Variants in PSD3 observed in about 807,000 individuals in gnomAD.
PSD3 encodes the protein PH and SEC7 domain-containing protein 3.
A neutral mutation model predicts 105.5 loss-of-function variants in PSD3; 49 were observed. The ratio of observed to expected loss-of-function variants is 0.46; its 90% confidence interval spans 0.37 to 0.59. PSD3 has a LOEUF of 0.59. Ranked by LOEUF, PSD3 falls within the 20% of genes least tolerant of loss-of-function variation. PSD3 has a pLI of 0.00. For synonymous variants in PSD3, 557 were observed against 457.8 expected, an observed-to-expected ratio of 1.22 and a Z score of -2.77; for missense variants, 1,561 against 1,263.8, an observed-to-expected ratio of 1.24 and a Z score of -3.57.
intron 1 of PSD3, among the ~76,000 whole-genome samples, chr8:19,045,189 A>G (rs1828274501): frequency 6.6e-6 from 1 of 152,134 alleles, no homozygotes; most frequent in Non-Finnish European, 1.5e-5. Flanking sequence ...CATCAAAAAC[A>G]AAAAAACAAA....
intron 9 of PSD3, among the ~76,000 whole-genome samples, chr8:18,659,533 A>T (rs1394265604): frequency 6.6e-6 from 1 of 152,252 alleles, no homozygotes; most frequent in Non-Finnish European, 1.5e-5. Context: ...TCATGTTTAC[A>T]TCAACTAAGT....
chr8:18,605,307 A>G (rs1804739275), intron 11 of PSD3, among the ~76,000 whole-genome samples: 1 of 151,028 alleles, frequency 6.6e-6, no homozygotes, highest in South Asian at 2.1e-4. Context: ...GCCAAATAAC[A>G]ATTTTTTGGA....
Position 19,048,416 on chromosome 8 carries a change from G to C in PSD3, c.324+35790C>G, listed in dbSNP as rs554492732. Reference sequence around the variant, plus strand: ...GAAATGGTTTACAGCCTTGAGCATGGTAAATGGTAAAAACCATTAAGCTTG... The same window carrying C: ...GAAATGGTTTACAGCCTTGAGCATGCTAAATGGTAAAAACCATTAAGCTTG... On this transcript the variant is annotated intron_variant, in intron 1 of 1. Coordinates refer to the PSD3 transcript ENST00000521475. Among the ~76,000 whole-genome samples, 147 of 152,304 alleles carry C rather than the reference G, an allele frequency of 9.7e-4. 1 individual carries two copies. The highest frequency in any genetic ancestry group is 3.3e-3 in the African/African-American group (137 of 41,572).
intron 4 of PSD3, among the ~76,000 whole-genome samples, chr8:18,836,337 C>T (rs1008458225): frequency 5.3e-5 from 8 of 152,176 alleles, no homozygotes; most frequent in African/African-American, 1.4e-4. Flanking sequence ...AACATACTTT[C>T]GGAATCAGTT....
intron 9 of PSD3, among the ~76,000 whole-genome samples, chr8:18,702,031 C>T (rs7016403): frequency 2.3e-4 from 35 of 152,176 alleles, no homozygotes; most frequent in African/African-American, 6.3e-4. Flanking sequence ...AGAGTGCATT[C>T]GTTTCAGCAT....
At chr8:18,961,808 CG>C (rs1207814089) in intron 1 of PSD3, among the ~76,000 whole-genome samples, 7 of 151,862 alleles carry the variant, frequency 4.6e-5, no homozygotes, top group African/African-American at 1.7e-4. Flanking sequence ...TCAGATATAC[CG>C]CCTAACAAAA....
chr8:18,532,456 G>A lies in PSD3; in HGVS notation c.*3287C>T, dbSNP rs1799672372. 2 of 152,174 alleles carry A rather than the reference G, an allele frequency of 1.3e-5. No individual in the cohort carries two copies. The highest frequency in any genetic ancestry group is 4.8e-5 in the African/African-American group (2 of 41,452). 9.4% of individuals were successfully genotyped at this position (152,174 alleles called of 1,614,324 possible). The stretch of plus-strand genomic sequence containing the variant: ...CAGTTGGAGACGCATAGAGGGTCTT[G>A]TGTTTGCCACAAGACCACTGCACCA... On this transcript the variant is annotated 3_prime_UTR_variant, in exon 16 of 16. Coordinates refer to ENST00000327040, the MANE Select transcript of PSD3 (RefSeq NM_015310.4).
chr8:18,636,502 C>T (rs949969425), intron 10 of PSD3, among the ~76,000 whole-genome samples: 3 of 152,026 alleles, frequency 2.0e-5, no homozygotes, highest in Admixed American at 2.0e-4. Context: ...TTCCTGTAGC[C>T]TAAGTGTACA....
intron 12 of PSD3, among the ~76,000 whole-genome samples, chr8:18,591,010 G>A (rs1803561904): frequency 6.6e-6 from 1 of 152,172 alleles, no homozygotes; most frequent in Non-Finnish European, 1.5e-5. Context: ...CAAGACAGCA[G>A]AATAGGTAGT....
At chr8:18,700,109 A>C (rs904355947) in intron 9 of PSD3, among the ~76,000 whole-genome samples, 1 of 152,212 alleles carries the variant, frequency 6.6e-6, no homozygotes, top group African/African-American at 2.4e-5. Flanking sequence ...TCCTAGGCCA[A>C]GAATTAGAGA....
At position 18,836,521 on chromosome 8, in the gene PSD3, G is replaced by C. The variant is rs536224082; in HGVS notation, c.1634+31153C>G. On this transcript the variant is annotated intron_variant, in intron 4 of 15. Coordinates refer to ENST00000327040, the MANE Select transcript of PSD3 (RefSeq NM_015310.4). ...CTAATTTTTTAATAGTGGACTAATA[G>C]ATTTATTTGCTTCTTTGTGCTTTTC... is the stretch of plus-strand genomic sequence containing the variant. 2.3e-4 allele frequency among the ~76,000 whole-genome samples: 35 copies of C among 152,260 alleles called. 1 individual carries two copies. The highest frequency in any genetic ancestry group is 8.2e-4 in the African/African-American group (34 of 41,540).
intron 1 of PSD3, among the ~76,000 whole-genome samples, chr8:18,938,420 G>A (rs191309110): frequency 1.3e-5 from 2 of 152,044 alleles, no homozygotes; most frequent in African/African-American, 2.4e-5. Flanking sequence ...TCAGGAGTTC[G>A]AGACCAGCCT....
At chr8:18,793,842 A>C (rs891710279) in intron 8 of PSD3, among the ~76,000 whole-genome samples, 1 of 152,250 alleles carries the variant, frequency 6.6e-6, no homozygotes, top group African/African-American at 2.4e-5. Context: ...AGTGATCATT[A>C]CAGATGCAGA....
chr8:18,702,181 C>G (rs995684860), intron 9 of PSD3, among the ~76,000 whole-genome samples: 10 of 152,132 alleles, frequency 6.6e-5, no homozygotes, highest in Non-Finnish European at 4.4e-5. Context: ...AATTTGTAAC[C>G]GACAGGTCTT....
intron 4 of PSD3, among the ~76,000 whole-genome samples, chr8:18,817,415 C>G (rs1812304696): frequency 6.6e-6 from 1 of 152,180 alleles, no homozygotes; most frequent in Admixed American, 6.5e-5. Flanking sequence ...AGAGCATACT[C>G]TCCCCAGCAC....
chr8:18,758,294 G>A (rs1457993576), intron 9 of PSD3, among the ~76,000 whole-genome samples: 9 of 152,130 alleles, frequency 5.9e-5, no homozygotes, highest in African/African-American at 2.2e-4. Flanking sequence ...TGTTGCTTAG[G>A]TTAAGCCTTC....
rs535623756 is a variant in PSD3 at position 18,809,027 on chromosome 8, C to T, written c.1635-4129G>A. 222 of 998,496 alleles carry T rather than the reference C, an allele frequency of 2.2e-4. 1 individual carries two copies. Among genetic ancestry groups the T allele is most frequent in the East Asian group, 8.3e-4 (27 of 32,684 alleles). 61.9% of individuals were successfully genotyped at this position (998,496 alleles called of 1,614,324 possible). On this transcript the variant is annotated intron_variant, in intron 4 of 15. Transcript: ENST00000327040. ...CACAAGGGCCACTGTCTATCGAGAA[C>T]GTAAGAAACAGTGAGCCCAGCCTCG...
chr8:18,541,677 C>G (rs182279772), intron 15 of PSD3, among the ~76,000 whole-genome samples: 67 of 152,110 alleles, frequency 4.4e-4, no homozygotes, highest in Non-Finnish European at 3.8e-4. Flanking sequence ...GGGGCTTTTT[C>G]TCTCTCTTTA....
At chr8:18,786,402 T>C (rs1409729602) in intron 8 of PSD3, among the ~76,000 whole-genome samples, 1 of 152,204 alleles carries the variant, frequency 6.6e-6, no homozygotes, top group Non-Finnish European at 1.5e-5. Flanking sequence ...TTTAAAACAG[T>C]AAAGTCTATG....
Sources: gnomAD v4.1 joint callset for allele counts (sites outside exome capture counted in the v4.1 genomes callset) on GRCh38, gnomAD v4.1.1 for gene constraint, MANE v1.5 for transcripts, NCBI Gene and HGNC (gene_info 2026-07-23, HGNC 2026-07-21) for gene names.